Variants in KIF13B observed in about 807,000 individuals in gnomAD.
KIF13B encodes kinesin family member 13B, also known as kinesin-like protein KIF13B.
A neutral mutation model predicts 222.0 loss-of-function variants in KIF13B; 127 were observed. That is an observed-to-expected ratio of 0.57 (90% CI 0.50 to 0.66). The LOEUF (loss-of-function observed/expected upper bound fraction) is 0.66, where lower values mean the gene tolerates loss of function less well. Ranked by LOEUF, KIF13B falls within the 30% of genes least tolerant of loss-of-function variation. The pLI is 0.00. For synonymous variants in KIF13B, 976 were observed against 919.0 expected (o/e 1.06, Z -1.12); for missense variants, 2,173 against 2,379.0 (o/e 0.91, Z 1.80).
Position 29,181,952 on chromosome 8 carries a change from G to A in KIF13B, c.552C>T (p.Asp184=), listed in dbSNP as rs770873718. The change falls in exon 7 of 40, where the codon GAC becomes GAT. Residue 184 remains aspartate, a synonymous_variant. Transcript: ENST00000524189. ...TTGTGACAGCCAGTTTAGAAAGTCC[G>A]TCGACATAAGGTCCCAACACACTAT... ...REHSVLGPYV[D]GLSKLAVTSY... 51 of 1,613,442 alleles carry A rather than the reference G, an allele frequency of 3.2e-5. No homozygotes were observed. Among genetic ancestry groups the A allele is most frequent in the Admixed American group, 1.0e-4 (6 of 59,956 alleles).
chr8:29,249,949 C>T (rs1816207931), intron 1 of KIF13B: 1 of 965,174 alleles, frequency 1.0e-6, no homozygotes, highest in African/African-American at 1.7e-5. Context: ...AAAGTCTCAG[C>T]CACACTGCAA....
At chr8:29,081,848 C>T (rs1382521415) in intron 37 of KIF13B, among the ~76,000 whole-genome samples, 2 of 152,152 alleles carry the variant, frequency 1.3e-5, no homozygotes, top group Non-Finnish European at 2.9e-5. Flanking sequence ...TGGAAGCTCT[C>T]GACACATTTG....
chr8:29,170,757 C>T (rs1192443493), intron 10 of KIF13B, among the ~76,000 whole-genome samples: 1 of 152,156 alleles, frequency 6.6e-6, no homozygotes, highest in Non-Finnish European at 1.5e-5. Context: ...TCATAAAGGA[C>T]CTTGTAAGTC....
intron 36 of KIF13B, among the ~76,000 whole-genome samples, chr8:29,096,065 T>TC (rs1424192719): frequency 1.3e-5 from 2 of 151,016 alleles, no homozygotes; most frequent in Admixed American, 6.6e-5. Context: ...CACTGCAGCC[T>TC]CTGCCTCCCA....
chr8:29,103,579 G>T (rs1024985869), intron 35 of KIF13B, among the ~76,000 whole-genome samples: 1 of 152,022 alleles, frequency 6.6e-6, no homozygotes, highest in Non-Finnish European at 1.5e-5. Context: ...TAGGCCCTAT[G>T]GTGAATTTCG....
chr8:29,139,423 C>G (rs1810708114), intron 21 of KIF13B, among the ~76,000 whole-genome samples: 1 of 152,132 alleles, frequency 6.6e-6, no homozygotes, highest in Non-Finnish European at 1.5e-5. Context: ...AGGAGCTGCT[C>G]TGAAATCAAG....
chr8:29,122,256 A>T (rs975456614), intron 29 of KIF13B, among the ~76,000 whole-genome samples: 2 of 152,112 alleles, frequency 1.3e-5, no homozygotes, highest in African/African-American at 2.4e-5. Context: ...TCTGTCTCAA[A>T]AAATAAATAA....
chr8:29,166,829 C>T (rs1384767304), intron 11 of KIF13B, among the ~76,000 whole-genome samples: 10 of 152,088 alleles, frequency 6.6e-5, no homozygotes, highest in Non-Finnish European at 1.3e-4. Context: ...CAACATTATC[C>T]ATTACAGAAT....
chr8:29,214,204 T>G (rs1814371777), intron 2 of KIF13B, among the ~76,000 whole-genome samples: 1 of 152,220 alleles, frequency 6.6e-6, no homozygotes, highest in South Asian at 2.1e-4. Flanking sequence ...AAATGTTTCC[T>G]TCTTCAGTAA....
chr8:29,202,748 C>CT (rs1415213215), intron 2 of KIF13B, among the ~76,000 whole-genome samples: 3 of 152,178 alleles, frequency 2.0e-5, no homozygotes, highest in African/African-American at 7.2e-5. Context: ...CTGTTCAACT[C>CT]TTTTCACTGA....
At chr8:29,164,462 C>T (rs950084842) in intron 12 of KIF13B, among the ~76,000 whole-genome samples, 1 of 152,220 alleles carries the variant, frequency 6.6e-6, no homozygotes, top group Admixed American at 6.5e-5. Flanking sequence ...GAGAGGATTA[C>T]ATCAAGTTCT....
intron 14 of KIF13B, 65 bp from the exon 15 acceptor site, chr8:29,150,448 C>T (rs987032146): frequency 2.6e-6 from 2 of 771,944 alleles, no homozygotes; most frequent in Admixed American, 4.7e-5. Flanking sequence ...TTTAATTTCC[C>T]AATAACATAG....
chr8:29,184,014 C>T (rs544933100), intron 6 of KIF13B, among the ~76,000 whole-genome samples: 1 of 151,934 alleles, frequency 6.6e-6, no homozygotes, highest in South Asian at 2.1e-4. Context: ...TCTATAGTAC[C>T]CTAGGATCAA....
rs779299462 is a variant in KIF13B at position 29,176,106 on chromosome 8, C to A, written c.907G>T (p.Val303Phe). 1 of 1,613,606 alleles carries A rather than the reference C, an allele frequency of 6.2e-7. No individual in the cohort carries two copies. The highest frequency in any genetic ancestry group is 1.1e-5 in the South Asian group (1 of 91,000). The change falls in exon 10 of 40, where the codon GTT (valine) becomes TTT (phenylalanine). Residue 303 changes from valine to phenylalanine, a missense_variant. By Grantham distance (50) the Val-to-Phe change is conservative. Coordinates refer to ENST00000524189, the MANE Select transcript of KIF13B (RefSeq NM_015254.4). ...QSAGKNKNKF[V>F]PYRDSVLTWL... ...GTGAGAACTGAGTCACGATATGGAA[C>A]AAATTTATTCTTGTTTTTGCCAGCA...
At chr8:29,215,488 G>C (rs923748802) in intron 2 of KIF13B, among the ~76,000 whole-genome samples, 1 of 152,120 alleles carries the variant, frequency 6.6e-6, no homozygotes, top group African/African-American at 2.4e-5. Context: ...AAGAATTCAA[G>C]GACCAGCTTG....
Position 29,075,308 on chromosome 8 carries a change from C to CG in KIF13B, c.4493dup (p.Asp1499GlyfsTer17). On this transcript the variant is annotated frameshift_variant, in exon 38 of 40. Transcript: ENST00000524189. LOFTEE classifies it high-confidence loss of function. ...CCTCCATCCTGGTCACCCTGATGTCCGGGCTGGCTGACTGCACCATGATGC... is the reference window on the plus strand; with the variant it reads ...CCTCCATCCTGGTCACCCTGATGTCCGGGGCTGGCTGACTGCACCATGATGC... The CG allele has an allele frequency of 6.4e-7, 1 of 1,558,882 alleles. No homozygotes were observed. The highest frequency in any genetic ancestry group is 8.7e-7 in the Non-Finnish European group (1 of 1,150,908).
rs2133449746 is a variant in KIF13B at position 29,067,908 on chromosome 8, A to AC, written c.*2595dup. The AC allele has an allele frequency of 6.6e-6, 1 of 152,560 alleles. No homozygotes were observed. Among genetic ancestry groups the AC allele is most frequent in the Admixed American group, 6.5e-5 (1 of 15,300 alleles). 9.5% of individuals were successfully genotyped at this position (152,560 alleles called of 1,614,324 possible). On this transcript the variant is annotated 3_prime_UTR_variant, in exon 40 of 40. Transcript: ENST00000524189. ...TCTGGTCAGGCCTGGGTACCCAGGA[A>AC]CCCAGTCACACACCTGCCCCCTGTC...
At chr8:29,090,092 C>T (rs956851874) in intron 37 of KIF13B, among the ~76,000 whole-genome samples, 4 of 152,180 alleles carry the variant, frequency 2.6e-5, no homozygotes, top group South Asian at 2.1e-4. Context: ...AGACTGAAGG[C>T]GCTTCACATG....
chr8:29,190,942 TA>T, intron 4 of KIF13B, 54 bp downstream of exon 4: 4 of 1,408,790 alleles, frequency 2.8e-6, no homozygotes, highest in Non-Finnish European at 4.0e-6. Context: ...AGGGAAAAAA[TA>T]CTGAACCCCT....
Sources: gnomAD v4.1 joint callset for allele counts (sites outside exome capture counted in the v4.1 genomes callset) on GRCh38, gnomAD v4.1.1 for gene constraint, MANE v1.5 for transcripts, NCBI Gene and HGNC (gene_info 2026-07-23, HGNC 2026-07-21) for gene names.